The following ZNF618 variants were observed in gnomAD, a reference collection of about 807,000 sequenced individuals.
ZNF618 encodes neural precursor cell expressed, developmentally down-regulated 10.
ZNF618 carries 34 observed loss-of-function variants against 103.0 expected under a neutral mutation model. That is an observed-to-expected ratio of 0.33 (90% CI 0.25 to 0.44). The LOEUF (loss-of-function observed/expected upper bound fraction) is 0.44. Ranked by LOEUF, ZNF618 falls within the 20% of genes least tolerant of loss-of-function variation. ZNF618 has a pLI of 1.00. For synonymous variants in ZNF618, 551 were observed against 542.2 expected (o/e 1.02, Z -0.23); for missense variants, 1,059 against 1,295.4 (o/e 0.82, Z 2.80).
intron 2 of ZNF618, among the ~76,000 whole-genome samples, chr9:113,969,926 G>A (rs1837789614): frequency 6.6e-6 from 1 of 152,022 alleles, no homozygotes; most frequent in African/African-American, 2.4e-5. Flanking sequence ...ATCTAGAATC[G>A]ATCCTAGGGT....
intron 2 of ZNF618, among the ~76,000 whole-genome samples, chr9:113,986,748 C>T (rs1839522031): frequency 6.6e-6 from 1 of 152,184 alleles, no homozygotes; most frequent in South Asian, 2.1e-4. Flanking sequence ...CATAGCACCT[C>T]CCCATGGCCT....
chr9:114,049,318 G>C lies in ZNF618; in HGVS notation c.2016G>C (p.Ala672=), dbSNP rs370472166. Residue 672 remains alanine (A), a synonymous_variant, in exon 15 of 15, where the codon GCG becomes GCC. Coordinates refer to ENST00000374126, the MANE Select transcript of ZNF618 (RefSeq NM_001318042.2). ...IELLNVCEDL[A]GSTGLAKETF... Reference sequence around the variant, plus strand: ...TGCTCAACGTGTGCGAGGACCTGGCGGGCTCCACGGGCCTGGCCAAGGAGA... The same window carrying C: ...TGCTCAACGTGTGCGAGGACCTGGCCGGCTCCACGGGCCTGGCCAAGGAGA... 2 of 1,611,374 alleles carry C rather than the reference G, an allele frequency of 1.2e-6. No homozygotes were observed. The highest frequency in any genetic ancestry group is 4.5e-5 in the East Asian group (2 of 44,868).
At chr9:114,008,203 C>T in intron 7 of ZNF618, 141 bp from the exon 8 acceptor site, 1 of 1,151,746 alleles carries the variant, frequency 8.7e-7, no homozygotes, top group Non-Finnish European at 1.2e-6. Flanking sequence ...CCACAGTGGC[C>T]ACGGCAGCCC....
chr9:113,942,591 C>CAGTA (rs1315486269), intron 1 of ZNF618, among the ~76,000 whole-genome samples: 1 of 152,180 alleles, frequency 6.6e-6, no homozygotes, highest in Non-Finnish European at 1.5e-5. Context: ...GCACTGCATG[C>CAGTA]AGTAGGTGCT....
At chr9:113,991,880 T>A (rs1840095072) in intron 3 of ZNF618, among the ~76,000 whole-genome samples, 2 of 152,164 alleles carry the variant, frequency 1.3e-5, no homozygotes, top group Admixed American at 6.5e-5. Flanking sequence ...CGTGTGGAGC[T>A]GCCATGGTGT....
chr9:113,988,647 A>T, intron 3 of ZNF618, 67 bp downstream of exon 3: 4 of 1,512,932 alleles, frequency 2.6e-6, no homozygotes, highest in Non-Finnish European at 3.5e-6. Context: ...AGTCCTGGGG[A>T]AAAGCGGCCT....
At chr9:114,038,817 G>A (rs1844863198) in intron 13 of ZNF618, among the ~76,000 whole-genome samples, 1 of 152,168 alleles carries the variant, frequency 6.6e-6, no homozygotes, top group Non-Finnish European at 1.5e-5. Flanking sequence ...TTATGCAGAT[G>A]ATGAAACCGA....
intron 6 of ZNF618, among the ~76,000 whole-genome samples, chr9:114,004,565 C>G (rs1841560659): frequency 6.6e-6 from 1 of 152,228 alleles, no homozygotes; most frequent in South Asian, 2.1e-4. Flanking sequence ...GCTGACGGCT[C>G]TGTAGCGGGG....
Position 113,960,355 on chromosome 9 carries a change from C to T in ZNF618, c.34-8762C>T, listed in dbSNP as rs112527524. On this transcript the variant is annotated intron_variant, in intron 1 of 14. Coordinates refer to ENST00000374126, the MANE Select transcript of ZNF618 (RefSeq NM_001318042.2). ...TCCAAGTCTGTCCATAAGCTTCCAG[C>T]TCCCTTAGCCTGACTTACAGGACTT... 8.5e-4 allele frequency among the ~76,000 whole-genome samples: 129 copies of T among 152,358 alleles called. 1 individual carries two copies. The highest frequency in any genetic ancestry group is 3.4e-3 in the Middle Eastern group (1 of 294).
chr9:114,032,747 A>C lies in ZNF618; in HGVS notation c.1168+19A>C. 2 of 1,612,682 alleles carry C rather than the reference A, an allele frequency of 1.2e-6. No individual in the cohort carries two copies. The highest frequency in any genetic ancestry group is 8.5e-7 in the Non-Finnish European group (1 of 1,178,704). On this transcript the variant is annotated intron_variant, in intron 12 of 14. Coordinates refer to ENST00000374126, the MANE Select transcript of ZNF618 (RefSeq NM_001318042.2). ...TCCAGCGGTGAGTGTGCCCCTTGAC[A>C]GCCATCCTGTGCGGTAGCTGCCAGC... is the stretch of plus-strand genomic sequence containing the variant.
Position 114,002,137 on chromosome 9 carries a change from A to G in ZNF618, c.511+64A>G, listed in dbSNP as rs925789269. 60 of 1,502,850 alleles carry G rather than the reference A, an allele frequency of 4.0e-5. No homozygotes were observed. The Admixed American group carries it at 8.7e-4, about 22-fold the overall frequency. The allele number at this position is 1,502,850 out of a possible 1,614,324, so 93.1% of individuals were successfully genotyped here. A position where few individuals can be genotyped will look rare whatever the true frequency, so the allele number is the denominator to read the frequency against. On this transcript the variant is annotated intron_variant, in intron 5 of 14. Transcript: ENST00000374126. ...ACCTCCCACTGTCTGCCTGTTTCCC[A>G]CTTGGGCCCCTCGTGGGTGACCCCA...
At chr9:113,888,205 T>A (rs1829256195) in intron 1 of ZNF618, among the ~76,000 whole-genome samples, 1 of 152,194 alleles carries the variant, frequency 6.6e-6, no homozygotes, top group South Asian at 2.1e-4. Context: ...GTTGTACAGC[T>A]GAGGAAAGCA....
In ZNF618 at chr9:114,054,790, A is replaced by G. The variant is rs1459225200; in HGVS notation, c.*4623A>G. The G allele has an allele frequency of 1.3e-5, 2 of 152,300 alleles. No homozygotes were observed. Among genetic ancestry groups the G allele is most frequent in the Non-Finnish European group, 2.9e-5 (2 of 68,042 alleles). The allele number at this position is 152,300 out of a possible 1,614,324, so 9.4% of individuals were successfully genotyped here. A position where few individuals can be genotyped will look rare whatever the true frequency, so the allele number is the denominator to read the frequency against. The stretch of plus-strand genomic sequence containing the variant: ...TAGTAGTTGCTTTTCTTCCTCTCTC[A>G]TTTGGGTTTGAGGATTGTGGTCGGG... On this transcript the variant is annotated 3_prime_UTR_variant, in exon 15 of 15. Coordinates refer to ENST00000374126, the MANE Select transcript of ZNF618 (RefSeq NM_001318042.2).
At chr9:114,001,485 C>G (rs1053068935) in intron 4 of ZNF618, among the ~76,000 whole-genome samples, 2 of 152,108 alleles carry the variant, frequency 1.3e-5, no homozygotes, top group Non-Finnish European at 2.9e-5. Context: ...CTTCATGCAT[C>G]TAAGGAAATT....
chr9:113,991,385 A>G (rs1420493385), intron 3 of ZNF618, among the ~76,000 whole-genome samples: 1 of 152,208 alleles, frequency 6.6e-6, no homozygotes, highest in Non-Finnish European at 1.5e-5. Context: ...TTGGACTGGG[A>G]GTGAATCCAG....
chr9:113,951,430 T>TAC (rs1835623391), intron 1 of ZNF618, among the ~76,000 whole-genome samples: 1 of 77,976 alleles, frequency 1.3e-5, no homozygotes, highest in African/African-American at 5.4e-5. Context: ...TATGTGTGTG[T>TAC]GTATATATAT....
chr9:113,920,845 A>G (rs1002927897), intron 1 of ZNF618, among the ~76,000 whole-genome samples: 2 of 152,248 alleles, frequency 1.3e-5, no homozygotes, highest in African/African-American at 4.8e-5. Flanking sequence ...AATAGGATTT[A>G]GCATTGGAGA....
intron 13 of ZNF618, among the ~76,000 whole-genome samples, chr9:114,047,190 C>A (rs1008138): frequency 0.51 from 77,841 of 152,016 alleles, 21,090 homozygotes; most frequent in African/African-American, 0.68. Flanking sequence ...AACTGGATAC[C>A]ACTGCATATG....
intron 3 of ZNF618, among the ~76,000 whole-genome samples, chr9:113,990,014 C>T (rs1839884807): frequency 6.6e-6 from 1 of 152,256 alleles, no homozygotes; most frequent in Admixed American, 6.5e-5. Flanking sequence ...TAACCTGAAC[C>T]TTCTAGCCCC....
Sources: gnomAD v4.1 joint callset for allele counts (sites outside exome capture counted in the v4.1 genomes callset) on GRCh38, gnomAD v4.1.1 for gene constraint, MANE v1.5 for transcripts, NCBI Gene and HGNC (gene_info 2026-07-23, HGNC 2026-07-21) for gene names.